FAM13A: variants seen among roughly 807,000 people sequenced by gnomAD.
The protein encoded by FAM13A is protein FAM13A.
In FAM13A, 76 loss-of-function variants were observed where a neutral mutation model predicts 129.6. That is an observed-to-expected ratio of 0.59 (90% CI 0.49 to 0.71). FAM13A has a LOEUF of 0.71. Ranked by LOEUF, FAM13A falls within the 30% of genes least tolerant of loss-of-function variation. The pLI, the probability that FAM13A is intolerant of heterozygous loss-of-function variation, is 0.00. For synonymous variants in FAM13A, 443 were observed against 449.9 expected (o/e 0.98, Z 0.20); for missense variants, 1,108 against 1,249.3 (o/e 0.89, Z 1.70).
chr4:88,886,290 G>A (rs1315205644), intron 6 of FAM13A, among the ~76,000 whole-genome samples: 2 of 152,190 alleles, frequency 1.3e-5, no homozygotes, highest in Non-Finnish European at 2.9e-5. Context: ...TCAACGAGTG[G>A]ATAAAGAAAT....
At chr4:89,040,777 T>C (rs538815141) in intron 1 of FAM13A, among the ~76,000 whole-genome samples, 87 of 152,334 alleles carry the variant, frequency 5.7e-4, no homozygotes, top group African/African-American at 2.0e-3. Flanking sequence ...CAAAGTATTG[T>C]TCCTGAGTGT....
At chr4:88,864,560 C>T (rs1307293426) in intron 6 of FAM13A, among the ~76,000 whole-genome samples, 1 of 152,184 alleles carries the variant, frequency 6.6e-6, no homozygotes, top group Admixed American at 6.5e-5. Context: ...AGGCACGCGC[C>T]ACCACACCCG....
At chr4:88,873,513 C>T (rs1403451496) in intron 6 of FAM13A, among the ~76,000 whole-genome samples, 2 of 152,132 alleles carry the variant, frequency 1.3e-5, no homozygotes, top group Non-Finnish European at 2.9e-5. Flanking sequence ...CTATAAATAC[C>T]TCTAGGCAAA....
intron 7 of FAM13A, among the ~76,000 whole-genome samples, chr4:88,820,504 A>T (rs1165014259): frequency 6.6e-6 from 1 of 152,212 alleles, no homozygotes; most frequent in Non-Finnish European, 1.5e-5. Flanking sequence ...AAAACTGACA[A>T]TTTAGGAAAT....
At chr4:88,913,987 G>T (rs546986445) in intron 5 of FAM13A, among the ~76,000 whole-genome samples, 1 of 150,630 alleles carries the variant, frequency 6.6e-6, no homozygotes, top group Non-Finnish European at 1.5e-5. Context: ...TGGATGACAG[G>T]GTGAGACTCC....
At chr4:88,945,984 G>GTATATATATATA in intron 4 of FAM13A, among the ~76,000 whole-genome samples, 1 of 25,890 alleles carries the variant, frequency 3.9e-5, no homozygotes, top group Non-Finnish European at 6.8e-5. Flanking sequence ...GTGTGTGTGT[G>GTATATATATATA]TGTGTGTATA....
At chr4:88,930,911 T>C (rs931147637) in intron 5 of FAM13A, among the ~76,000 whole-genome samples, 1 of 152,142 alleles carries the variant, frequency 6.6e-6, no homozygotes, top group Non-Finnish European at 1.5e-5. Flanking sequence ...TTAGGAGAGC[T>C]TGCTCTTTCC....
intron 7 of FAM13A, among the ~76,000 whole-genome samples, chr4:88,849,277 A>G (rs1256909544): frequency 6.6e-6 from 1 of 152,188 alleles, no homozygotes; most frequent in East Asian, 1.9e-4. Context: ...AGGAACCAAC[A>G]CTGCAATTGC....
chr4:88,758,155 T>C (rs1360884975), intron 14 of FAM13A, among the ~76,000 whole-genome samples: 7 of 152,198 alleles, frequency 4.6e-5, no homozygotes, highest in Admixed American at 2.6e-4. Context: ...ACATTTCTAA[T>C]GTTTTCACCA....
At chr4:88,757,495 T>C (rs1427293870) in intron 14 of FAM13A, among the ~76,000 whole-genome samples, 1 of 152,186 alleles carries the variant, frequency 6.6e-6, no homozygotes, top group Admixed American at 6.5e-5. Flanking sequence ...ACTAACATGA[T>C]TATTTCACAG....
intron 7 of FAM13A, among the ~76,000 whole-genome samples, chr4:88,807,609 T>A (rs1330414139): frequency 1.3e-5 from 2 of 152,158 alleles, no homozygotes; most frequent in Admixed American, 6.6e-5. Flanking sequence ...GTGAAGAAAA[T>A]GCATTCGATG....
chr4:88,824,155 C>T (rs913569568), intron 7 of FAM13A, among the ~76,000 whole-genome samples: 5 of 152,198 alleles, frequency 3.3e-5, no homozygotes, highest in African/African-American at 7.2e-5. Flanking sequence ...AGATTTTATA[C>T]ATTTTAAGAA....
At chr4:89,055,173 C>A (rs76554426) in intron 1 of FAM13A, among the ~76,000 whole-genome samples, 156 of 152,292 alleles carry the variant, frequency 1.0e-3, no homozygotes, top group South Asian at 8.3e-3. Context: ...TGTATCAGCT[C>A]ATTGAATGTA....
At chr4:88,785,884 A>G (rs1437087316) in intron 10 of FAM13A, among the ~76,000 whole-genome samples, 1 of 152,136 alleles carries the variant, frequency 6.6e-6, no homozygotes, top group African/African-American at 2.4e-5. Flanking sequence ...AGATTCTCTC[A>G]CTCAATGCCC....
At chr4:88,935,681 GT>G (rs1753735341) in intron 5 of FAM13A, among the ~76,000 whole-genome samples, 1 of 152,036 alleles carries the variant, frequency 6.6e-6, no homozygotes, top group East Asian at 1.9e-4. Flanking sequence ...TCTATCTAAT[GT>G]TTCTATGATC....
intron 2 of FAM13A, 72 bp downstream of exon 2, chr4:89,029,388 A>G (rs1768394819): frequency 8.4e-7 from 1 of 1,195,824 alleles, no homozygotes; most frequent in African/African-American, 1.5e-5. Flanking sequence ...ACATTATGAA[A>G]TAATTCACAC....
chr4:89,043,934 C>T (rs910101903), intron 1 of FAM13A, among the ~76,000 whole-genome samples: 1 of 151,742 alleles, frequency 6.6e-6, no homozygotes, highest in Non-Finnish European at 1.5e-5. Flanking sequence ...ATCAATCAAT[C>T]AATAAGCAAG....
intron 6 of FAM13A, among the ~76,000 whole-genome samples, chr4:88,901,813 G>A (rs1747342847): frequency 6.6e-6 from 1 of 151,948 alleles, no homozygotes; most frequent in South Asian, 2.1e-4. Context: ...ACAAATCTAG[G>A]AGCTGCTTTT....
chr4:88,904,645 A>G (rs968517658), intron 6 of FAM13A, among the ~76,000 whole-genome samples: 2 of 152,248 alleles, frequency 1.3e-5, no homozygotes, highest in South Asian at 2.1e-4. Context: ...GGGAATAAGC[A>G]AGGATACCTA....
Sources: allele counts gnomAD v4.1 joint callset (sites outside exome capture counted in the v4.1 genomes callset), GRCh38; gene constraint gnomAD v4.1.1; transcripts MANE v1.5; gene names NCBI Gene and HGNC (gene_info 2026-07-23, HGNC 2026-07-21).